Variants in SENP7 observed in about 807,000 individuals in gnomAD.
SENP7 encodes the protein sentrin-specific protease 7.
Under a neutral mutation model 141.2 loss-of-function variants are expected in SENP7, and 64 were observed. The observed-to-expected ratio is 0.45, with a 90% CI of 0.37 to 0.56. The LOEUF is 0.56. Ranked by LOEUF, SENP7 falls within the 20% of genes least tolerant of loss-of-function variation. The probability of loss-of-function intolerance (pLI) is 0.00; values close to 1 mark genes in which losing one functional copy is unlikely to be tolerated. For synonymous variants in SENP7, 382 were observed against 426.4 expected, an observed-to-expected ratio of 0.90 and a Z score of 1.28; for missense variants, 1,025 against 1,212.2, an observed-to-expected ratio of 0.85 and a Z score of 2.29.
intron 4 of SENP7, among the ~76,000 whole-genome samples, chr3:101,448,214 G>C (rs1478459168): frequency 6.6e-6 from 1 of 152,008 alleles, no homozygotes; most frequent in Admixed American, 6.6e-5. Flanking sequence ...GACACCAAAA[G>C]CACAGAGACT....
At chr3:101,404,666 T>C (rs930581225) in intron 5 of SENP7, among the ~76,000 whole-genome samples, 1 of 152,086 alleles carries the variant, frequency 6.6e-6, no homozygotes, top group Non-Finnish European at 1.5e-5. Flanking sequence ...GTTTTTGCAA[T>C]CTATCCATCT....
chr3:101,481,008 C>G (rs1250150738), intron 3 of SENP7, among the ~76,000 whole-genome samples: 6 of 147,316 alleles, frequency 4.1e-5, no homozygotes, highest in African/African-American at 1.0e-4. Flanking sequence ...AAAAAAGGAA[C>G]TCACATACAC....
intron 3 of SENP7, among the ~76,000 whole-genome samples, chr3:101,462,099 A>G (rs1265698916): frequency 6.6e-6 from 1 of 152,250 alleles, no homozygotes; most frequent in Non-Finnish European, 1.5e-5. Context: ...AACTAGACAG[A>G]GAAAGTGGTT....
chr3:101,403,190 C>T lies in SENP7; in HGVS notation c.483-4135G>A, dbSNP rs562638987. On this transcript the variant is annotated intron_variant, in intron 5 of 23. Coordinates refer to ENST00000394095, the MANE Select transcript of SENP7 (RefSeq NM_020654.5). ...GAGTATCACAATAAAACACGTCACA[C>T]AAATTTTGTGGCTTCCTAGTGAATA... 3.9e-5 allele frequency among the ~76,000 whole-genome samples: 6 copies of T among 152,350 alleles called. No individual in the cohort carries two copies. The East Asian group carries it at 1.2e-3, about 29-fold the overall frequency.
chr3:101,375,483 G>A lies in SENP7; in HGVS notation c.678-3357C>T, dbSNP rs544794619. On this transcript the variant is annotated intron_variant, in intron 6 of 23. Coordinates refer to ENST00000394095, the MANE Select transcript of SENP7 (RefSeq NM_020654.5). ...CTTGAACCCGGGAGGCGGAGATTGC[G>A]GTGAGCCAAGATCATGCCATTGCAC... is the stretch of plus-strand genomic sequence containing the variant. 5.1e-4 allele frequency among the ~76,000 whole-genome samples: 76 copies of A among 149,084 alleles called. 1 individual carries two copies. The highest frequency in any genetic ancestry group is 1.8e-3 in the African/African-American group (72 of 40,348).
chr3:101,451,787 C>T (rs1209491441), intron 4 of SENP7, among the ~76,000 whole-genome samples: 1 of 152,186 alleles, frequency 6.6e-6, no homozygotes, highest in African/African-American at 2.4e-5. Context: ...GAAGCATTCC[C>T]TTTGAAAACT....
chr3:101,438,864 C>A (rs954177725), intron 4 of SENP7, among the ~76,000 whole-genome samples: 2 of 151,750 alleles, frequency 1.3e-5, no homozygotes, highest in African/African-American at 4.8e-5. Flanking sequence ...GCTGGAGGAG[C>A]GGACGGGCCC....
rs115279607 is a variant in SENP7, at chr3:101,458,204, A to G, written c.284+751T>C. Among the ~76,000 whole-genome samples the G allele has an allele frequency of 9.5e-3, 1,446 of 152,288 alleles. 27 individuals carry two copies. The highest frequency in any genetic ancestry group is 0.033 in the African/African-American group (1,361 of 41,560). ...ATATATGTTTATATTTCCTACACAC[A>G]ATTTACCTGAAAAGGGAGAATTAGA... On this transcript the variant is annotated intron_variant, in intron 4 of 23. Coordinates refer to ENST00000394095, the MANE Select transcript of SENP7 (RefSeq NM_020654.5).
chr3:101,374,632 G>A (rs1328469925), intron 6 of SENP7, among the ~76,000 whole-genome samples: 3 of 151,476 alleles, frequency 2.0e-5, no homozygotes, highest in Non-Finnish European at 4.4e-5. Context: ...TTAATAATTA[G>A]CTGGGCATGA....
chr3:101,364,733 G>A, intron 10 of SENP7, 101 bp downstream of exon 10: 1 of 853,872 alleles, frequency 1.2e-6, no homozygotes, highest in Non-Finnish European at 1.7e-6. Context: ...AAGAAAATTT[G>A]TAATTTTCAT....
rs555577559 is a variant in SENP7 at position 101,342,481 on chromosome 3, A to G, written c.2107-702T>C. On this transcript the variant is annotated intron_variant, in intron 14 of 23. Coordinates refer to ENST00000394095, the MANE Select transcript of SENP7 (RefSeq NM_020654.5). Reference sequence around the variant, plus strand: ...CTTACAAAAGAGTTGAAAGAAATCAACCTTGCCCAAATTCCCCTAATCTTA... The same window carrying G: ...CTTACAAAAGAGTTGAAAGAAATCAGCCTTGCCCAAATTCCCCTAATCTTA... Among the ~76,000 whole-genome samples, 119 of 152,324 alleles carry G rather than the reference A, an allele frequency of 7.8e-4. 1 individual carries two copies. The highest frequency in any genetic ancestry group is 2.7e-3 in the African/African-American group (113 of 41,572).
chr3:101,370,829 G>A (rs2060158215), intron 7 of SENP7, among the ~76,000 whole-genome samples: 1 of 152,054 alleles, frequency 6.6e-6, no homozygotes, highest in African/African-American at 2.4e-5. Context: ...CTGGTTTCTT[G>A]TACAAATAAA....
At chr3:101,388,556 C>T (rs2060723776) in intron 6 of SENP7, among the ~76,000 whole-genome samples, 1 of 152,062 alleles carries the variant, frequency 6.6e-6, no homozygotes, top group South Asian at 2.1e-4. Flanking sequence ...ACCAGATGTG[C>T]AGATATCAAT....
At position 101,344,070 on chromosome 3, in the gene SENP7, T is replaced by G. The variant is rs74468642; in HGVS notation, c.1838-116A>C. 1,325 of 767,456 alleles carry G rather than the reference T, an allele frequency of 1.7e-3. 11 individuals carry two copies. The African/African-American group carries it at 0.022, about 13-fold the overall frequency. 47.5% of individuals were successfully genotyped at this position (767,456 alleles called of 1,614,324 possible). ...GGAATATAACCCCAAGTATTTTGTA[T>G]TTTAGGTAATAACCAAGGCAAATTA... On this transcript the variant is annotated intron_variant, in intron 13 of 23. Coordinates refer to ENST00000394095, the MANE Select transcript of SENP7 (RefSeq NM_020654.5).
chr3:101,497,756 A>ATAAG (rs1287979704), intron 2 of SENP7, among the ~76,000 whole-genome samples: 8 of 152,168 alleles, frequency 5.3e-5, no homozygotes, highest in Admixed American at 5.2e-4. Flanking sequence ...AAATAAATAA[A>ATAAG]TAAGTAAGTA....
chr3:101,456,164 CAT>C (rs10535201), intron 4 of SENP7, among the ~76,000 whole-genome samples: 60,202 of 151,690 alleles, frequency 0.4, 12,442 homozygotes, highest in Admixed American at 0.54. Context: ...ATATAAAAGA[CAT>C]ATATATGTGT....
At chr3:101,381,486 C>T (rs2060500185) in intron 6 of SENP7, among the ~76,000 whole-genome samples, 1 of 151,746 alleles carries the variant, frequency 6.6e-6, no homozygotes, top group African/African-American at 2.4e-5. Context: ...ATTATCAATG[C>T]TTATTATTGA....
chr3:101,458,857 CAT>C (rs754650911), intron 4 of SENP7, 96 bp downstream of exon 4: 124 of 654,100 alleles, frequency 1.9e-4, no homozygotes, highest in South Asian at 5.1e-4. Flanking sequence ...CTATTTTAAA[CAT>C]GTGGTCATAA....
chr3:101,478,348 C>A (rs551087504), intron 3 of SENP7, among the ~76,000 whole-genome samples: 6 of 152,086 alleles, frequency 3.9e-5, no homozygotes, highest in Admixed American at 3.9e-4. Context: ...CAAGACCCCA[C>A]CTCTACCAAA....
Sources: gnomAD v4.1 joint callset for allele counts (sites outside exome capture counted in the v4.1 genomes callset) on GRCh38, gnomAD v4.1.1 for gene constraint, MANE v1.5 for transcripts, NCBI Gene and HGNC (gene_info 2026-07-23, HGNC 2026-07-21) for gene names.